PKHD1: variants seen among roughly 807,000 people sequenced by gnomAD.
PKHD1 encodes the protein fibrocystin.
In PKHD1, 291 loss-of-function variants were observed where a neutral mutation model predicts 412.0. That is an observed-to-expected ratio of 0.71 (90% confidence interval 0.64 to 0.78). The LOEUF (loss-of-function observed/expected upper bound fraction) is 0.78. PKHD1 is among the 30% of genes least tolerant of loss of function. The probability of loss-of-function intolerance (pLI) is 0.00; values close to 1 mark genes in which losing one functional copy is unlikely to be tolerated. For synonymous variants in PKHD1, 1,777 were observed against 1,821.5 expected, an observed-to-expected ratio of 0.98 and a Z score of 0.62; for missense variants, 4,825 against 4,950.7, an observed-to-expected ratio of 0.97 and a Z score of 0.76.
chr6:51,752,549 T>C (rs987400882), intron 57 of PKHD1, among the ~76,000 whole-genome samples: 1 of 152,214 alleles, frequency 6.6e-6, no homozygotes, highest in East Asian at 1.9e-4. Flanking sequence ...GGGAAGTGTT[T>C]AGATCCTTTA....
Position 51,638,878 on chromosome 6 carries a change from T to G in PKHD1, c.11477A>C (p.His3826Pro). The change falls in exon 64 of 67, where the codon CAC becomes CCC. Residue 3826 changes from histidine (H) to proline (P), a missense_variant. By Grantham distance (77) the His-to-Pro change is moderately conservative. Transcript: ENST00000371117. ...LAVLISGSNWHFIFTVTSPPG... is the reference protein window; with the variant it reads ...LAVLISGSNWPFIFTVTSPPG... ...AGGAGAAGTGACAGTAAAAATAAAG[T>G]GCCAGTTTGACCCAGAGATCAAGAC... 10 of 1,610,736 alleles carry G rather than the reference T, an allele frequency of 6.2e-6. No individual in the cohort carries two copies. Among genetic ancestry groups the G allele is most frequent in the Non-Finnish European group, 8.5e-6 (10 of 1,178,126 alleles).
chr6:51,804,446 A>G (rs1763436904), intron 52 of PKHD1, among the ~76,000 whole-genome samples: 1 of 149,484 alleles, frequency 6.7e-6, no homozygotes, highest in Admixed American at 6.6e-5. Context: ...AAGGCATTCA[A>G]TTATCAGCTA....
intron 27 of PKHD1, among the ~76,000 whole-genome samples, chr6:52,037,051 G>T (rs1405326253): frequency 6.6e-6 from 1 of 152,100 alleles, no homozygotes; most frequent in Non-Finnish European, 1.5e-5. Context: ...TATCAACTAT[G>T]TGGTAAAATA....
At chr6:51,975,023 G>A (rs565236030) in intron 35 of PKHD1, among the ~76,000 whole-genome samples, 5 of 151,740 alleles carry the variant, frequency 3.3e-5, no homozygotes, top group Admixed American at 1.3e-4. Context: ...CCAGAATAGT[G>A]AGAAAATAAA....
chr6:51,911,450 T>G (rs967704715), intron 39 of PKHD1, among the ~76,000 whole-genome samples: 1 of 152,180 alleles, frequency 6.6e-6, no homozygotes. Context: ...CTCTGGCATA[T>G]GGCTTTCCTG....
At chr6:52,053,945 G>T in intron 20 of PKHD1, 93 bp downstream of exon 20, 1 of 1,303,744 alleles carries the variant, frequency 7.7e-7, no homozygotes, top group South Asian at 1.2e-5. Flanking sequence ...CCAAATATAA[G>T]ACCATTAGTG....
At chr6:51,654,725 C>T (rs1009924682) in intron 61 of PKHD1, among the ~76,000 whole-genome samples, 4 of 151,282 alleles carry the variant, frequency 2.6e-5, no homozygotes, top group African/African-American at 4.8e-5. Context: ...AGGACAAGAA[C>T]TAAAGATTTA....
intron 60 of PKHD1, chr6:51,739,903 T>C (rs895852866): frequency 3.0e-5 from 15 of 500,064 alleles, no homozygotes; most frequent in Non-Finnish European, 5.7e-5. Flanking sequence ...GGTGTGAGGT[T>C]ATGCCATCCA....
chr6:51,966,137 G>A, intron 35 of PKHD1, among the ~76,000 whole-genome samples: 1 of 152,116 alleles, frequency 6.6e-6, no homozygotes, highest in East Asian at 1.9e-4. Context: ...TTTTGCCAAG[G>A]TTGAGGATGC....
At chr6:51,920,920 A>G (rs1784590431) in intron 37 of PKHD1, among the ~76,000 whole-genome samples, 1 of 152,088 alleles carries the variant, frequency 6.6e-6, no homozygotes, top group African/African-American at 2.4e-5. Context: ...AGAGGTGTTT[A>G]TAGTATTCTC....
In PKHD1 at chr6:51,659,753, G is replaced by A; in HGVS notation, c.10373C>T (p.Thr3458Ile). ...IPCSTSGSVS[T>I]FYSILPIRQI... ...CCTGATGGGTAAGATAGAATAGAAAGTAGACACTGACCCAGAAGTAGAGCA... is the reference window on the plus strand; with the variant it reads ...CCTGATGGGTAAGATAGAATAGAAAATAGACACTGACCCAGAAGTAGAGCA... Residue 3458 changes from threonine to isoleucine, a missense_variant, in exon 61 of 67, where the codon ACT (threonine) becomes ATT (isoleucine). Physicochemically the swap from Thr to Ile is moderately conservative, Grantham distance 89 (BLOSUM62 -1). Coordinates refer to ENST00000371117, the MANE Select transcript of PKHD1 (RefSeq NM_138694.4). 3.1e-6 allele frequency: 5 copies of A among 1,613,696 alleles called. No homozygotes were observed. Among genetic ancestry groups the A allele is most frequent in the Non-Finnish European group, 3.4e-6 (4 of 1,179,730 alleles).
chr6:51,944,721 G>C (rs961293363), intron 36 of PKHD1, among the ~76,000 whole-genome samples: 1 of 152,118 alleles, frequency 6.6e-6, no homozygotes, highest in Non-Finnish European at 1.5e-5. Context: ...GGTGTGGAGG[G>C]CCTTGCATCA....
Position 51,659,466 on chromosome 6 carries a change from C to A in PKHD1, c.10660G>T (p.Glu3554Ter). 6.2e-7 allele frequency: 1 copy of A among 1,613,704 alleles called. No individual in the cohort carries two copies. The highest frequency in any genetic ancestry group is 8.5e-7 in the Non-Finnish European group (1 of 1,179,844). ...YVVLQGEEPIEIRSGVSIHLA... is the reference protein window; with the variant it reads ...YVVLQGEEPI ...TGAATGGAAACACCTGAGCGTATTT[C>A]AATGGGCTCCTCTCCTTGTAGGACA... Residue 3554 changes from glutamate (E) to a stop codon, truncating the protein, a stop_gained, in exon 61 of 67, where the codon GAA (glutamate) becomes TAA (stop). Transcript: ENST00000371117. LOFTEE classifies it high-confidence loss of function.
intron 60 of PKHD1, among the ~76,000 whole-genome samples, chr6:51,726,040 G>A (rs1782531991): frequency 6.6e-6 from 1 of 152,152 alleles, no homozygotes; most frequent in African/African-American, 2.4e-5. Context: ...TGCTTCCTCT[G>A]CAAAATTAAT....
intron 55 of PKHD1, among the ~76,000 whole-genome samples, chr6:51,772,205 G>A (rs940984013): frequency 4.0e-5 from 6 of 151,800 alleles, no homozygotes; most frequent in African/African-American, 1.5e-4. Flanking sequence ...CTCTGTGTTT[G>A]GATAGGTCTC....
intron 27 of PKHD1, among the ~76,000 whole-genome samples, chr6:52,037,651 T>C (rs1312763371): frequency 6.6e-6 from 1 of 152,178 alleles, no homozygotes; most frequent in Non-Finnish European, 1.5e-5. Context: ...TCTTCTCCTA[T>C]AAAATAGGTA....
intron 35 of PKHD1, among the ~76,000 whole-genome samples, chr6:51,999,155 A>G (rs558088046): frequency 6.6e-6 from 1 of 152,374 alleles, no homozygotes; most frequent in African/African-American, 2.4e-5. Context: ...GAAAAAGCCT[A>G]TGCCTGAAAC....
chr6:51,836,357 G>C (rs1376111061), intron 51 of PKHD1, 47 bp downstream of exon 51: 1 of 1,214,444 alleles, frequency 8.2e-7, no homozygotes, highest in South Asian at 1.2e-5. Flanking sequence ...ACTACTGGAG[G>C]ACATTCTGCC....
At chr6:51,925,438 CGT>C (rs537973238) in intron 37 of PKHD1, among the ~76,000 whole-genome samples, 3 of 147,364 alleles carry the variant, frequency 2.0e-5, no homozygotes, top group Non-Finnish European at 3.0e-5. Flanking sequence ...AATTGTTCTT[CGT>C]GTGTGTGTGT....
Sources: allele counts gnomAD v4.1 joint callset (sites outside exome capture counted in the v4.1 genomes callset), GRCh38; gene constraint gnomAD v4.1.1; transcripts MANE v1.5; gene names NCBI Gene and HGNC (gene_info 2026-07-23, HGNC 2026-07-21).